LEKR1: variants seen among roughly 807,000 people sequenced by gnomAD.
LEKR1 encodes the protein protein LEKR1.
LEKR1 carries 59 observed loss-of-function variants against 72.4 expected under a neutral mutation model. The observed-to-expected ratio is 0.82, with a 90% confidence interval of 0.66 to 1.01. The LOEUF is 1.01. Among genes scored for constraint, LEKR1 ranks in the 50% least tolerant of loss-of-function variants. The pLI is 0.00. For missense variants in LEKR1, 728 were observed against 759.2 expected (o/e 0.96, Z 0.48); for synonymous variants, 257 against 263.2 (o/e 0.98, Z 0.23).
intron 6 of LEKR1, among the ~76,000 whole-genome samples, chr3:156,974,415 C>T (rs2107994922): frequency 6.6e-6 from 1 of 152,180 alleles, no homozygotes; most frequent in South Asian, 2.1e-4. Context: ...GGATCATTCC[C>T]AAATGAAAAT....
In LEKR1 at chr3:157,046,115, G is replaced by C. The variant is rs893356359; in HGVS notation, c.*365G>C. The C allele has an allele frequency of 2.2e-5, 4 of 183,208 alleles. No homozygotes were observed. The highest frequency in any genetic ancestry group is 4.6e-5 in the Non-Finnish European group (4 of 87,684). 11.3% of individuals were successfully genotyped at this position (183,208 alleles called of 1,614,324 possible). On this transcript the variant is annotated 3_prime_UTR_variant, in exon 13 of 13. Coordinates refer to ENST00000356539, the MANE Select transcript of LEKR1 (RefSeq NM_001004316.3). ...GCAGATATATTTCCACAAAAAAATA[G>C]ATTGTTTGAGATTTGTTGGTATGTG...
At chr3:156,838,317 T>G (rs1348936351) in intron 2 of LEKR1, among the ~76,000 whole-genome samples, 1 of 152,212 alleles carries the variant, frequency 6.6e-6, no homozygotes, top group Non-Finnish European at 1.5e-5. Flanking sequence ...TTTCAGGGAA[T>G]TCTCTCCATA....
At chr3:156,934,547 T>A (rs925336603) in intron 5 of LEKR1, among the ~76,000 whole-genome samples, 2 of 152,218 alleles carry the variant, frequency 1.3e-5, no homozygotes, top group African/African-American at 4.8e-5. Flanking sequence ...AATTGGATTT[T>A]AAAATTCAGT....
chr3:156,918,867 G>A (rs1051783168), intron 3 of LEKR1, among the ~76,000 whole-genome samples: 7 of 152,032 alleles, frequency 4.6e-5, no homozygotes, highest in African/African-American at 1.7e-4. Flanking sequence ...TTACAGTTTG[G>A]ATGTGGTTTG....
intron 2 of LEKR1, among the ~76,000 whole-genome samples, chr3:156,846,901 C>A (rs1437866961): frequency 2.0e-5 from 3 of 152,150 alleles, no homozygotes; most frequent in Non-Finnish European, 4.4e-5. Context: ...CAGCCTCTGC[C>A]TCCTGGGCTC....
At chr3:156,915,941 G>A (rs1045556322) in intron 3 of LEKR1, among the ~76,000 whole-genome samples, 47 of 152,006 alleles carry the variant, frequency 3.1e-4, no homozygotes, top group African/African-American at 6.3e-4. Flanking sequence ...TTTTGTATAC[G>A]GTGTATGGAA....
At chr3:157,000,178 G>A (rs1187288445) in intron 9 of LEKR1, among the ~76,000 whole-genome samples, 1 of 152,008 alleles carries the variant, frequency 6.6e-6, no homozygotes, top group East Asian at 1.9e-4. Flanking sequence ...CAATAAATAT[G>A]AGATGGTGTC....
intron 3 of LEKR1, among the ~76,000 whole-genome samples, chr3:156,893,887 T>C (rs9871817): frequency 0.51 from 77,271 of 152,050 alleles, 21,298 homozygotes; most frequent in East Asian, 0.73. Context: ...CTTGGGGTAA[T>C]GGACATGGCC....
intron 3 of LEKR1, among the ~76,000 whole-genome samples, chr3:156,887,336 G>A (rs895856013): frequency 1.3e-5 from 2 of 152,106 alleles, no homozygotes; most frequent in Non-Finnish European, 2.9e-5. Flanking sequence ...CAGTGCAGGT[G>A]TGGAGTGAGG....
At chr3:156,941,815 G>A (rs2073834562) in intron 5 of LEKR1, among the ~76,000 whole-genome samples, 2 of 151,954 alleles carry the variant, frequency 1.3e-5, no homozygotes, top group African/African-American at 4.8e-5. Context: ...GATGAACAGG[G>A]AGCTTATTAA....
At position 156,911,125 on chromosome 3, in the gene LEKR1, G is replaced by A. The variant is rs532472568; in HGVS notation, c.264-9450G>A. Among the ~76,000 whole-genome samples the A allele has an allele frequency of 5.9e-5, 9 of 151,858 alleles. No individual in the cohort carries two copies. In the South Asian group the frequency reaches 1.9e-3, roughly 32 times the overall value. On this transcript the variant is annotated intron_variant, in intron 3 of 12. Transcript: ENST00000356539. ...TTTTTCATATGTTTGTTGGCTGCTT[G>A]TATGTCTTCTTTTGTATGTCTTCTT...
chr3:156,970,888 C>G (rs144664826), intron 6 of LEKR1, among the ~76,000 whole-genome samples: 10,788 of 151,966 alleles, frequency 0.071, 484 homozygotes, highest in African/African-American at 0.12. Flanking sequence ...TAGGAAGAAT[C>G]AATGTCATGA....
intron 2 of LEKR1, among the ~76,000 whole-genome samples, chr3:156,840,146 T>C (rs1179061268): frequency 6.6e-6 from 1 of 152,204 alleles, no homozygotes; most frequent in Non-Finnish European, 1.5e-5. Flanking sequence ...TTATAAAATA[T>C]GCATTAATTG....
intron 3 of LEKR1, among the ~76,000 whole-genome samples, chr3:156,920,031 A>T (rs1467505665): frequency 6.6e-6 from 1 of 151,888 alleles, no homozygotes; most frequent in Non-Finnish European, 1.5e-5. Context: ...ATCCCTTTGC[A>T]CATGCCCCTT....
intron 3 of LEKR1, among the ~76,000 whole-genome samples, chr3:156,916,553 G>A (rs1356309563): frequency 6.6e-6 from 1 of 152,008 alleles, no homozygotes. Context: ...TTGGCTCTTG[G>A]CTTGGCTGTT....
intron 3 of LEKR1, among the ~76,000 whole-genome samples, chr3:156,912,873 A>T (rs1408002433): frequency 6.6e-6 from 1 of 152,176 alleles, no homozygotes; most frequent in African/African-American, 2.4e-5. Flanking sequence ...AAGGCTACAC[A>T]GGTTCCCTGG....
At chr3:157,035,789 C>T (rs1233258564) in intron 12 of LEKR1, among the ~76,000 whole-genome samples, 6 of 152,138 alleles carry the variant, frequency 3.9e-5, no homozygotes, top group African/African-American at 1.4e-4. Context: ...ATCCCAGCTA[C>T]TTGGGAGGCT....
chr3:156,986,868 G>A (rs1354327999), intron 7 of LEKR1, among the ~76,000 whole-genome samples: 2 of 152,144 alleles, frequency 1.3e-5, no homozygotes, highest in Admixed American at 1.3e-4. Context: ...AGGGAGTGGA[G>A]GAATCAAAAA....
intron 12 of LEKR1, among the ~76,000 whole-genome samples, chr3:157,030,124 A>G (rs900343644): frequency 2.6e-5 from 4 of 152,194 alleles, no homozygotes; most frequent in Admixed American, 1.3e-4. Flanking sequence ...AGGAGAAGCC[A>G]GTGCATCACA....
Sources: allele counts gnomAD v4.1 joint callset (sites outside exome capture counted in the v4.1 genomes callset), GRCh38; gene constraint gnomAD v4.1.1; transcripts MANE v1.5; gene names NCBI Gene and HGNC (gene_info 2026-07-23, HGNC 2026-07-21).